Variants in SEMA6D observed in about 807,000 individuals in gnomAD.
SEMA6D encodes semaphorin-6D.
SEMA6D carries 35 observed loss-of-function variants against 106.6 expected under a neutral mutation model. The ratio of observed to expected loss-of-function variants is 0.33; its 90% confidence interval spans 0.25 to 0.44. The LOEUF is 0.44. SEMA6D is among the 20% of genes least tolerant of loss of function. The pLI is 1.00. For synonymous variants in SEMA6D, 499 were observed against 487.7 expected (o/e 1.02, Z -0.31); for missense variants, 1,185 against 1,345.9 (o/e 0.88, Z 1.87).
chr15:47,685,463 C>T (rs2145662460), intron 4 of SEMA6D, among the ~76,000 whole-genome samples: 1 of 152,272 alleles, frequency 6.6e-6, no homozygotes, highest in South Asian at 2.1e-4. Context: ...TTTCAAAGGC[C>T]ATGTGGAGAC....
intron 3 of SEMA6D, among the ~76,000 whole-genome samples, chr15:47,537,370 GT>G (rs2045202089): frequency 6.6e-6 from 1 of 152,192 alleles, no homozygotes; most frequent in South Asian, 2.1e-4. Flanking sequence ...TGGTAAATAA[GT>G]GTTCAAGGTA....
At chr15:47,209,305 A>G (rs2141195350) in intron 1 of SEMA6D, among the ~76,000 whole-genome samples, 1 of 152,340 alleles carries the variant, frequency 6.6e-6, no homozygotes, top group South Asian at 2.1e-4. Flanking sequence ...ATTACCAATA[A>G]GAGAATATAG....
chr15:47,407,406 C>CAAAAAAAAAAAAAAAAA (rs1231097214), intron 1 of SEMA6D, among the ~76,000 whole-genome samples: 5 of 105,818 alleles, frequency 4.7e-5, no homozygotes, highest in African/African-American at 1.0e-4. Flanking sequence ...ACAACAACAA[C>CAAAAAAAAAAAAAAAAA]AACAAAAAAA....
intron 13 of SEMA6D, chr15:47,765,339 T>A: frequency 8.4e-7 from 1 of 1,196,766 alleles, no homozygotes; most frequent in Non-Finnish European, 1.0e-6. Flanking sequence ...TGCAGATATA[T>A]TCCAAGATGC....
At chr15:47,651,405 TA>T (rs895704923) in intron 4 of SEMA6D, among the ~76,000 whole-genome samples, 5 of 147,884 alleles carry the variant, frequency 3.4e-5, no homozygotes, top group East Asian at 2.0e-4. Context: ...ACCCTGCCTC[TA>T]AAAAAAAAAC....
intron 1 of SEMA6D, among the ~76,000 whole-genome samples, chr15:47,270,714 C>A (rs1362259023): frequency 6.6e-6 from 1 of 152,016 alleles, no homozygotes; most frequent in Non-Finnish European, 1.5e-5. Context: ...ATATTACAGG[C>A]CGAACGCGGT....
At chr15:47,398,501 AG>A (rs922854372) in intron 1 of SEMA6D, among the ~76,000 whole-genome samples, 29 of 152,136 alleles carry the variant, frequency 1.9e-4, no homozygotes, top group Admixed American at 7.9e-4. Context: ...GGGTTTTGGG[AG>A]GGGGATGGTT....
chr15:47,211,748 A>G (rs1278508055), intron 1 of SEMA6D, among the ~76,000 whole-genome samples: 1 of 152,158 alleles, frequency 6.6e-6, no homozygotes, highest in Non-Finnish European at 1.5e-5. Flanking sequence ...TACTGTCAAG[A>G]AGGTTAGACT....
chr15:47,330,001 G>A (rs2037281298), intron 1 of SEMA6D, among the ~76,000 whole-genome samples: 1 of 152,194 alleles, frequency 6.6e-6, no homozygotes, highest in East Asian at 1.9e-4. Context: ...TGCTCATGCT[G>A]TACTGCCTCT....
chr15:47,216,145 C>T (rs1248845131), intron 1 of SEMA6D, among the ~76,000 whole-genome samples: 3 of 151,972 alleles, frequency 2.0e-5, no homozygotes, highest in Non-Finnish European at 4.4e-5. Flanking sequence ...GGATGATATA[C>T]CTTGTTATTT....
At chr15:47,247,060 AC>A (rs2033248481) in intron 1 of SEMA6D, among the ~76,000 whole-genome samples, 1 of 152,330 alleles carries the variant, frequency 6.6e-6, no homozygotes, top group East Asian at 1.9e-4. Flanking sequence ...TTACTTGACC[AC>A]CTGTTATATA....
intron 4 of SEMA6D, among the ~76,000 whole-genome samples, chr15:47,676,114 G>A (rs892494718): frequency 1.3e-5 from 2 of 152,146 alleles, no homozygotes; most frequent in African/African-American, 2.4e-5. Context: ...GCCTACCCGC[G>A]GCATTGGTAG....
chr15:47,225,858 C>T (rs1457989968), intron 1 of SEMA6D, among the ~76,000 whole-genome samples: 3 of 152,030 alleles, frequency 2.0e-5, no homozygotes, highest in Non-Finnish European at 4.4e-5. Context: ...AATTCTTTGA[C>T]TGTTTGGTAT....
At chr15:47,298,911 C>G (rs1483958500) in intron 1 of SEMA6D, among the ~76,000 whole-genome samples, 1 of 152,130 alleles carries the variant, frequency 6.6e-6, no homozygotes, top group Non-Finnish European at 1.5e-5. Context: ...TGCTGCTTTA[C>G]CTAAATTGTC....
intron 1 of SEMA6D, among the ~76,000 whole-genome samples, chr15:47,320,163 G>T (rs1156808339): frequency 6.6e-6 from 1 of 152,074 alleles, no homozygotes; most frequent in African/African-American, 2.4e-5. Context: ...TATTCCCTCT[G>T]CCTTTCTGTT....
chr15:47,707,220 C>T (rs1253394932), intron 4 of SEMA6D, among the ~76,000 whole-genome samples: 1 of 152,112 alleles, frequency 6.6e-6, no homozygotes, highest in Non-Finnish European at 1.5e-5. Context: ...TTGTGTTTCC[C>T]TAAGTTCATT....
At chr15:47,654,704 G>A (rs910295860) in intron 4 of SEMA6D, among the ~76,000 whole-genome samples, 3 of 152,078 alleles carry the variant, frequency 2.0e-5, no homozygotes, top group African/African-American at 7.2e-5. Context: ...AAAACTGTGC[G>A]GCTCCTCCCC....
At chr15:47,580,123 GAGTT>G in intron 3 of SEMA6D, among the ~76,000 whole-genome samples, 1 of 152,246 alleles carries the variant, frequency 6.6e-6, no homozygotes, top group East Asian at 1.9e-4. Flanking sequence ...TCTGTTCTCT[GAGTT>G]AGTAGAGAAT....
chr15:47,352,637 A>G (rs1265869653), intron 1 of SEMA6D, among the ~76,000 whole-genome samples: 2 of 152,224 alleles, frequency 1.3e-5, no homozygotes, highest in South Asian at 4.1e-4. Context: ...TGTACATTGG[A>G]TGCTAAAGAG....
Sources: gnomAD v4.1 joint callset for allele counts (sites outside exome capture counted in the v4.1 genomes callset) on GRCh38, gnomAD v4.1.1 for gene constraint, MANE v1.5 for transcripts, NCBI Gene and HGNC (gene_info 2026-07-23, HGNC 2026-07-21) for gene names.